DDX60: variants seen among roughly 807,000 people sequenced by gnomAD.
The protein encoded by DDX60 is DExD/H-box helicase 60, also known as probable ATP-dependent RNA helicase DDX60.
In DDX60, 165 loss-of-function variants were observed where a neutral mutation model predicts 212.8. That is an observed-to-expected ratio of 0.78 (90% CI 0.68 to 0.88). DDX60 has a LOEUF of 0.88. Ranked by LOEUF, DDX60 falls within the 40% of genes least tolerant of loss-of-function variation. The pLI is 0.00. For synonymous variants in DDX60, 703 were observed against 685.3 expected, an observed-to-expected ratio of 1.03 and a Z score of -0.40; for missense variants, 1,905 against 2,003.9, an observed-to-expected ratio of 0.95 and a Z score of 0.94.
At position 168,308,061 on chromosome 4, in the gene DDX60, C is replaced by T. The variant is rs747328711; in HGVS notation, c.209G>A (p.Arg70His). Residue 70 changes from arginine to histidine, a missense_variant, in exon 4 of 38, where the codon CGC becomes CAC. Transcript: ENST00000393743. ...QNLHFFYLVE[R>H]YLVDLISKGG... ...TTTGCTAATAAGATCCACAAGATAG[C>T]GTTCAACCAGATAGAAGAAATGGAG... 6.8e-6 allele frequency: 11 copies of T among 1,611,180 alleles called. No individual in the cohort carries two copies. In the East Asian group the frequency reaches 2.0e-4, roughly 29 times the overall value.
chr4:168,262,469 AAAAG>A (rs1449152677), intron 23 of DDX60, among the ~76,000 whole-genome samples: 2 of 152,168 alleles, frequency 1.3e-5, no homozygotes, highest in East Asian at 3.8e-4. Context: ...TCAAAAAAAA[AAAAG>A]AAGAAATATT....
chr4:168,274,194 A>G (rs188875320), intron 16 of DDX60, 111 bp from the exon 17 acceptor site: 223 of 1,311,800 alleles, frequency 1.7e-4, no homozygotes, highest in Non-Finnish European at 2.2e-4. Flanking sequence ...AAGGATCTGT[A>G]GGTACATCTG....
chr4:168,242,762 T>C (rs889148862), intron 30 of DDX60, among the ~76,000 whole-genome samples: 1 of 152,100 alleles, frequency 6.6e-6, no homozygotes, highest in Non-Finnish European at 1.5e-5. Flanking sequence ...CTGAAATGAG[T>C]TAAGACTCTG....
intron 6 of DDX60, among the ~76,000 whole-genome samples, chr4:168,298,245 T>C (rs1478412299): frequency 6.6e-6 from 1 of 152,086 alleles, no homozygotes; most frequent in Admixed American, 6.6e-5. Flanking sequence ...TATAATATAT[T>C]ATAGAATCAA....
Position 168,248,272 on chromosome 4 carries a change from T to G in DDX60, c.3879A>C (p.Thr1293=). 1 of 1,607,608 alleles carries G rather than the reference T, an allele frequency of 6.2e-7. No individual in the cohort carries two copies. Among genetic ancestry groups the G allele is most frequent in the Non-Finnish European group, 8.5e-7 (1 of 1,177,652 alleles). The change falls in exon 29 of 38, where the codon ACA becomes ACC. Residue 1293 remains threonine (T), a synonymous_variant. Coordinates refer to ENST00000393743, the MANE Select transcript of DDX60 (RefSeq NM_017631.6). ...GYLRVVTATG[T]LALGVNMPCK... Reference sequence around the variant, plus strand: ...AAGGCATGTTGACACCTAAAGCAAGTGTTCCAGTAGCTGTCACCACCTTGA... The same window carrying G: ...AAGGCATGTTGACACCTAAAGCAAGGGTTCCAGTAGCTGTCACCACCTTGA...
chr4:168,261,951 C>T, intron 24 of DDX60, 49 bp downstream of exon 24: 1 of 1,559,260 alleles, frequency 6.4e-7, no homozygotes, highest in Non-Finnish European at 8.6e-7. Flanking sequence ...TGATATAACT[C>T]AAGAAAACAA....
chr4:168,286,361 G>A (rs1282738490), intron 10 of DDX60, among the ~76,000 whole-genome samples: 2 of 142,636 alleles, frequency 1.4e-5, no homozygotes, highest in Admixed American at 1.4e-4. Context: ...TATGATTACA[G>A]TATTCTCTTG....
Position 168,274,098 on chromosome 4 carries a change from G to GTACC in DDX60, c.2305-19_2305-16dup. 6.2e-7 allele frequency: 1 copy of GTACC among 1,613,588 alleles called. No homozygotes were observed. Among genetic ancestry groups the GTACC allele is most frequent in the Non-Finnish European group, 8.5e-7 (1 of 1,179,788 alleles). Reference sequence around the variant, plus strand: ...AGGAGCTCTCGCTGCAGGGTGCAGAGTACCATTCATGTCAAGAAACTGAAC... The same window carrying GTACC: ...AGGAGCTCTCGCTGCAGGGTGCAGAGTACCTACCATTCATGTCAAGAAACTGAAC... On this transcript the variant is annotated splice_polypyrimidine_tract_variant and intron_variant, in intron 16 of 37. Transcript: ENST00000393743.
chr4:168,307,682 G>A (rs899683819), intron 4 of DDX60, among the ~76,000 whole-genome samples: 1 of 152,132 alleles, frequency 6.6e-6, no homozygotes, highest in African/African-American at 2.4e-5. Context: ...TGCCTGCTGA[G>A]TTTTGAAAAC....
chr4:168,226,901 G>C (rs986697732), intron 33 of DDX60, among the ~76,000 whole-genome samples: 7 of 151,980 alleles, frequency 4.6e-5, no homozygotes, highest in Non-Finnish European at 1.0e-4. Context: ...GCTGGGGGAC[G>C]GAGAAGTGAA....
chr4:168,223,069 A>T (rs1319895719), intron 35 of DDX60, among the ~76,000 whole-genome samples: 1 of 152,108 alleles, frequency 6.6e-6, no homozygotes, highest in African/African-American at 2.4e-5. Context: ...AAATTAATAT[A>T]AAAAGGGATT....
chr4:168,261,314 T>G (rs72693140), intron 24 of DDX60, among the ~76,000 whole-genome samples: 6,646 of 152,276 alleles, frequency 0.044, 204 homozygotes, highest in Non-Finnish European at 0.067. Context: ...TGTGAATCAG[T>G]TTCTACATTA....
intron 26 of DDX60, 122 bp downstream of exon 26, chr4:168,255,589 T>C (rs1401547892): frequency 1.5e-5 from 12 of 797,490 alleles, no homozygotes; most frequent in Non-Finnish European, 2.2e-5. Flanking sequence ...GTACTCAATT[T>C]AGAAATAAGT....
chr4:168,290,489 T>G (rs1227579749), intron 8 of DDX60, among the ~76,000 whole-genome samples: 1 of 151,830 alleles, frequency 6.6e-6, no homozygotes, highest in Non-Finnish European at 1.5e-5. Context: ...CCACCATGCC[T>G]GGCTACTTTT....
intron 33 of DDX60, among the ~76,000 whole-genome samples, chr4:168,235,382 A>C (rs1411949278): frequency 1.3e-5 from 2 of 152,004 alleles, no homozygotes; most frequent in Non-Finnish European, 2.9e-5. Flanking sequence ...GTGTATTTTT[A>C]TCATGAGCTT....
rs770400342 is a variant in DDX60, at chr4:168,252,502, T to C, written c.3705+7A>G. 3 of 1,613,288 alleles carry C rather than the reference T, an allele frequency of 1.9e-6. No individual in the cohort carries two copies. In the East Asian group the frequency reaches 6.7e-5, roughly 36 times the overall value. On this transcript the variant is annotated splice_region_variant and intron_variant, in intron 27 of 37. Transcript: ENST00000393743. ...GTTTGGAGAACGATCAGGTTGTAAG[T>C]GCTGACCTCAGTGTCCACTGCTTTT...
chr4:168,222,424 A>G (rs1470363717), intron 35 of DDX60, among the ~76,000 whole-genome samples: 2 of 152,094 alleles, frequency 1.3e-5, no homozygotes, highest in Non-Finnish European at 2.9e-5. Flanking sequence ...ACTCTAGCAT[A>G]CTGTTATTAT....
chr4:168,220,946 G>T (rs1733029940), intron 36 of DDX60, among the ~76,000 whole-genome samples: 1 of 152,098 alleles, frequency 6.6e-6, no homozygotes, highest in East Asian at 1.9e-4. Context: ...AAAAATAGGA[G>T]GCTGGCCATC....
chr4:168,267,243 T>C (rs1444215443), intron 22 of DDX60, among the ~76,000 whole-genome samples: 3 of 152,112 alleles, frequency 2.0e-5, no homozygotes, highest in Non-Finnish European at 4.4e-5. Flanking sequence ...GGCTGCACTA[T>C]GAGAAGAATT....
Sources: allele counts gnomAD v4.1 joint callset (sites outside exome capture counted in the v4.1 genomes callset), GRCh38; gene constraint gnomAD v4.1.1; transcripts MANE v1.5; gene names NCBI Gene and HGNC (gene_info 2026-07-23, HGNC 2026-07-21).